Variants in HNRNPF observed in about 807,000 individuals in gnomAD.
The protein encoded by HNRNPF is HnRNP F protein.
A neutral mutation model predicts 26.0 loss-of-function variants in HNRNPF; 2 were observed. That is an observed-to-expected ratio of 0.08 (90% confidence interval 0.03 to 0.24). The LOEUF is 0.24. Ranked by LOEUF, HNRNPF falls within the 10% of genes least tolerant of loss-of-function variation. HNRNPF has a pLI of 1.00. For synonymous variants in HNRNPF, 234 were observed against 211.5 expected, an observed-to-expected ratio of 1.11 and a Z score of -0.92; for missense variants, 299 against 539.2, an observed-to-expected ratio of 0.55 and a Z score of 4.41.
Position 43,387,651 on chromosome 10 carries a change from C to T in HNRNPF, c.234G>A (p.Met78Ile). ...TGAACACCTCAATGTACCGGTGTCC[C>T]ATGCTTTCCCTGTCTTTTTTCAGGG... ...KMALKKDRESMGHRYIEVFKS... is the reference protein window; with the variant it reads ...KMALKKDRESIGHRYIEVFKS... The change falls in exon 4 of 4, where the codon ATG becomes ATA. Residue 78 changes from methionine to isoleucine, a missense_variant. By Grantham distance (10) the Met-to-Ile change is conservative. Transcript: ENST00000682386. The surrounding 1 kb of genome is among the most constrained non-coding windows in gnomAD (Gnocchi z 6.0). 1 of 1,614,172 alleles carries T rather than the reference C, an allele frequency of 6.2e-7. No homozygotes were observed. The highest frequency in any genetic ancestry group is 8.5e-7 in the Non-Finnish European group (1 of 1,180,038).
intron 3 of HNRNPF, among the ~76,000 whole-genome samples, chr10:43,393,430 T>C (rs572301324): frequency 1.3e-5 from 2 of 152,224 alleles, no homozygotes; most frequent in South Asian, 2.1e-4. Flanking sequence ...ACTCCGTTTC[T>C]ACTAAAAATA....
At chr10:43,402,125 T>TA (rs879636534) in intron 1 of HNRNPF, among the ~76,000 whole-genome samples, 185 of 145,698 alleles carry the variant, frequency 1.3e-3, no homozygotes, top group African/African-American at 2.8e-3. Flanking sequence ...TTACAAAACT[T>TA]AAAAAAAAAA....
Position 43,387,899 on chromosome 10 carries a change from G to A in HNRNPF, c.-15C>T. 1 of 1,586,204 alleles carries A rather than the reference G, an allele frequency of 6.3e-7. No homozygotes were observed. On this transcript the variant is annotated 5_prime_UTR_variant, in exon 4 of 4. Coordinates refer to ENST00000682386, the MANE Select transcript of HNRNPF (RefSeq NM_001098204.2). This position sits in a 1 kb window ranked among gnomAD's most constrained non-coding sequence, Gnocchi z 6.0. ...CCCAGCATCATGGACACTTGTCAGG[G>A]TGGGTGTCAGGTGATCTTGGGTGTG... is the stretch of plus-strand genomic sequence containing the variant.
intron 3 of HNRNPF, among the ~76,000 whole-genome samples, chr10:43,389,090 C>T (rs1191411264): frequency 6.6e-6 from 1 of 151,402 alleles, no homozygotes; most frequent in African/African-American, 2.4e-5. Context: ...CCTGTCTCAG[C>T]CTCCTGAGTA....
intron 3 of HNRNPF, among the ~76,000 whole-genome samples, chr10:43,388,750 C>T (rs1338267935): frequency 2.0e-5 from 3 of 152,182 alleles, no homozygotes; most frequent in Admixed American, 6.5e-5. Flanking sequence ...CCCTTCCCAC[C>T]AGGGTGGTAC....
At chr10:43,396,099 C>T (rs184922675) in intron 2 of HNRNPF, among the ~76,000 whole-genome samples, 60 of 152,308 alleles carry the variant, frequency 3.9e-4, no homozygotes, top group African/African-American at 1.4e-3. Context: ...TTCCAAAAAG[C>T]GCTCCCGAAC....
intron 1 of HNRNPF, chr10:43,396,887 C>CGGGAGG (rs1564396846): frequency 2.8e-5 from 1 of 36,062 alleles, no homozygotes; most frequent in East Asian, 1.5e-3. Flanking sequence ...GGGCGCCTCG[C>CGGGAGG]GGGAGGGGGA....
chr10:43,393,832 A>C (rs1383052704), intron 3 of HNRNPF, among the ~76,000 whole-genome samples: 2 of 152,164 alleles, frequency 1.3e-5, no homozygotes, highest in Admixed American at 1.3e-4. Flanking sequence ...GGAATGTGGC[A>C]AGCTCTCTGC....
rs1838027382 is a variant in HNRNPF at position 43,386,478 on chromosome 10, T to C, written c.*159A>G. 5 of 654,166 alleles carry C rather than the reference T, an allele frequency of 7.6e-6. No individual in the cohort carries two copies. Among genetic ancestry groups the C allele is most frequent in the Admixed American group, 2.9e-5 (1 of 34,764 alleles). 40.5% of individuals were successfully genotyped at this position (654,166 alleles called of 1,614,324 possible). ...CATTATCACATGCTAGAAGAAAATT[T>C]TGCATGAGAAAACACTGAAGAGGTA... is the stretch of plus-strand genomic sequence containing the variant. On this transcript the variant is annotated 3_prime_UTR_variant, in exon 4 of 4. Coordinates refer to ENST00000682386, the MANE Select transcript of HNRNPF (RefSeq NM_001098204.2).
At chr10:43,408,670 C>T (rs1839008000) in intron 1 of HNRNPF, 1 of 152,178 alleles carries the variant, frequency 6.6e-6, no homozygotes, top group Non-Finnish European at 1.5e-5. Flanking sequence ...GGGACCCGGT[C>T]CCCGCTAGGT....
Position 43,386,989 on chromosome 10 carries a change from T to C in HNRNPF, c.896A>G (p.Lys299Arg). The C allele has an allele frequency of 6.2e-7, 1 of 1,614,070 alleles. No homozygotes were observed. The highest frequency in any genetic ancestry group is 8.5e-7 in the Non-Finnish European group (1 of 1,180,024). ...GTTGTAAATGTCGTTCTCGGTCGCT[T>C]TGTACGGCAGGCCCCTCATGTGGAC... is the stretch of plus-strand genomic sequence containing the variant. ...HCVHMRGLPYKATENDIYNFF... is the reference protein window; with the variant it reads ...HCVHMRGLPYRATENDIYNFF... Residue 299 changes from lysine to arginine, a missense_variant, in exon 4 of 4, where the codon AAA (lysine) becomes AGA (arginine). This residue lies in a region of HNRNPF where 36 missense variants were observed against 93.8 expected (regional missense o/e 0.38). Transcript: ENST00000682386.
At chr10:43,394,090 T>A (rs1838363442) in intron 3 of HNRNPF, among the ~76,000 whole-genome samples, 1 of 152,208 alleles carries the variant, frequency 6.6e-6, no homozygotes, top group African/African-American at 2.4e-5. Flanking sequence ...AACTTGTGCC[T>A]GTTTTGTTGG....
At chr10:43,402,994 A>G (rs1463372010) in intron 1 of HNRNPF, among the ~76,000 whole-genome samples, 2 of 151,888 alleles carry the variant, frequency 1.3e-5, no homozygotes, top group Non-Finnish European at 2.9e-5. Flanking sequence ...AGTGTTCGCT[A>G]TCATACCTGG....
rs762259484 is a variant in HNRNPF, at chr10:43,387,402, C to A, written c.483G>T (p.Ser161=). The A allele has an allele frequency of 1.2e-6, 2 of 1,614,192 alleles. No individual in the cohort carries two copies. Among genetic ancestry groups the A allele is most frequent in the African/African-American group, 2.7e-5 (2 of 75,050 alleles). The change falls in exon 4 of 4, where the codon TCG becomes TCT. Residue 161 remains serine (S), a synonymous_variant. Coordinates refer to ENST00000682386, the MANE Select transcript of HNRNPF (RefSeq NM_001098204.2). This position sits in a 1 kb window ranked among gnomAD's most constrained non-coding sequence, Gnocchi z 6.0. ...ITGEAFVQFA[S]QELAEKALGK... ...CTAGAGCCTTCTCAGCTAACTCCTG[C>A]GAGGCAAACTGCACGAACGCTTCCC...
rs1253180964 is a variant in HNRNPF at position 43,386,220 on chromosome 10, T to C, written c.*417A>G. The C allele has an allele frequency of 6.4e-6, 1 of 155,522 alleles. No homozygotes were observed. Among genetic ancestry groups the C allele is most frequent in the Non-Finnish European group, 1.4e-5 (1 of 70,160 alleles). 9.6% of individuals were successfully genotyped at this position (155,522 alleles called of 1,614,324 possible). A position where few individuals can be genotyped will look rare whatever the true frequency, so the allele number is the denominator to read the frequency against. On this transcript the variant is annotated 3_prime_UTR_variant, in exon 4 of 4. Coordinates refer to ENST00000682386, the MANE Select transcript of HNRNPF (RefSeq NM_001098204.2). ...AAAAGCTTAAACTTAACCTAAAGGATTTTAAATGAAAATATAAACTAGAAT... is the reference window on the plus strand; with the variant it reads ...AAAAGCTTAAACTTAACCTAAAGGACTTTAAATGAAAATATAAACTAGAAT...
chr10:43,404,820 C>T (rs1271876611), intron 1 of HNRNPF, among the ~76,000 whole-genome samples: 1 of 152,118 alleles, frequency 6.6e-6, no homozygotes, highest in Non-Finnish European at 1.5e-5. Context: ...AAAACTCCGT[C>T]TCAAAAACAA....
In HNRNPF at chr10:43,386,483, T is replaced by A; in HGVS notation, c.*154A>T. On this transcript the variant is annotated 3_prime_UTR_variant, in exon 4 of 4. Transcript: ENST00000682386. ...TCACATGCTAGAAGAAAATTTTGCA[T>A]GAGAAAACACTGAAGAGGTAATTTT... The A allele has an allele frequency of 2.9e-6, 2 of 690,684 alleles. No individual in the cohort carries two copies. The highest frequency in any genetic ancestry group is 5.4e-5 in the East Asian group (2 of 37,226). The allele number at this position is 690,684 out of a possible 1,614,324, so 42.8% of individuals were successfully genotyped here.
chr10:43,388,224 A>G (rs1793474731), intron 3 of HNRNPF, among the ~76,000 whole-genome samples: 1 of 152,178 alleles, frequency 6.6e-6, no homozygotes, highest in African/African-American at 2.4e-5. Flanking sequence ...TTTATTCCAC[A>G]TATTTGTCAT....
At chr10:43,401,345 T>TA (rs1838748715) in intron 1 of HNRNPF, among the ~76,000 whole-genome samples, 2 of 152,202 alleles carry the variant, frequency 1.3e-5, no homozygotes, top group South Asian at 2.1e-4. Flanking sequence ...TAATGTAATG[T>TA]TAGATAAATT....
Sources: allele counts gnomAD v4.1 joint callset (sites outside exome capture counted in the v4.1 genomes callset), GRCh38; gene constraint gnomAD v4.1.1; regional missense constraint gnomAD v4.1.1; non-coding constraint Gnocchi (gnomAD v3.1); transcripts MANE v1.5; gene names NCBI Gene and HGNC (gene_info 2026-07-23, HGNC 2026-07-21).